Variants in AGBL1 observed in about 807,000 individuals in gnomAD.
AGBL1 encodes the protein cytosolic carboxypeptidase 4.
A neutral mutation model predicts 118.9 loss-of-function variants in AGBL1; 130 were observed. That is an observed-to-expected ratio of 1.09 (90% CI 0.95 to 1.26). The LOEUF is 1.26. Ranked by LOEUF, AGBL1 falls within the 50% of genes most tolerant of loss-of-function variation. The probability of loss-of-function intolerance (pLI) is 0.00; values close to 1 mark genes in which losing one functional copy is unlikely to be tolerated. For missense variants in AGBL1, 1,584 were observed against 1,298.1 expected, an observed-to-expected ratio of 1.22 and a Z score of -3.38; for synonymous variants, 555 against 478.9, an observed-to-expected ratio of 1.16 and a Z score of -2.08.
intron 21 of AGBL1, among the ~76,000 whole-genome samples, chr15:86,580,597 A>T (rs935370471): frequency 4.6e-5 from 7 of 152,128 alleles, no homozygotes; most frequent in Non-Finnish European, 1.0e-4. Flanking sequence ...ATAATTGTAC[A>T]TATTTAACTG....
chr15:86,652,703 T>A (rs2142498335), intron 21 of AGBL1, among the ~76,000 whole-genome samples: 1 of 152,274 alleles, frequency 6.6e-6, no homozygotes, highest in East Asian at 1.9e-4. Flanking sequence ...ATGAAAAGTA[T>A]TGTGTTTGAA....
intron 21 of AGBL1, among the ~76,000 whole-genome samples, chr15:86,625,972 T>C (rs371656389): frequency 5.9e-5 from 9 of 152,144 alleles, no homozygotes; most frequent in East Asian, 5.8e-4. Context: ...AAAGTTTCAA[T>C]TGAGTCATAA....
In AGBL1 at chr15:86,909,689, A is replaced by G. The variant is rs572734073; in HGVS notation, c.*2395A>G. ...CCATATTTAATCTTTCCACTCTTAA[A>G]TAAAGGCTAGCATAATGGTGCTGAT... On this transcript the variant is annotated 3_prime_UTR_variant, in exon 23 of 23. Transcript: ENST00000614907. 6.6e-6 allele frequency: 1 copy of G among 152,362 alleles called. No homozygotes were observed. Among genetic ancestry groups the G allele is most frequent in the East Asian group, 1.9e-4 (1 of 5,186 alleles). The allele number at this position is 152,362 out of a possible 1,614,324, so 9.4% of individuals were successfully genotyped here. A position where few individuals can be genotyped will look rare whatever the true frequency, so the allele number is the denominator to read the frequency against.
chr15:86,955,696 G>GA (rs1290729270), intron 23 of AGBL1, among the ~76,000 whole-genome samples: 1 of 152,040 alleles, frequency 6.6e-6, no homozygotes, highest in Non-Finnish European at 1.5e-5. Flanking sequence ...ATACATGATT[G>GA]AATGCATATG....
chr15:86,714,438 C>T (rs540312712), intron 22 of AGBL1, among the ~76,000 whole-genome samples: 6 of 152,238 alleles, frequency 3.9e-5, no homozygotes, highest in African/African-American at 1.4e-4. Flanking sequence ...GGAATTGAAG[C>T]AGTTTAAACT....
intron 19 of AGBL1, among the ~76,000 whole-genome samples, chr15:86,526,813 G>A (rs1427926466): frequency 6.6e-6 from 1 of 151,866 alleles, no homozygotes; most frequent in African/African-American, 2.4e-5. Flanking sequence ...GGTATGCAAA[G>A]GCATACAGAC....
At chr15:86,368,441 T>C (rs2080924058) in intron 17 of AGBL1, among the ~76,000 whole-genome samples, 1 of 152,200 alleles carries the variant, frequency 6.6e-6, no homozygotes, top group Non-Finnish European at 1.5e-5. Context: ...AAAAATTTTA[T>C]ATGAAGATTT....
chr15:86,804,446 G>T, intron 22 of AGBL1, among the ~76,000 whole-genome samples: 1 of 152,088 alleles, frequency 6.6e-6, no homozygotes, highest in East Asian at 1.9e-4. Context: ...CTGGTTCTCT[G>T]TTTCAAGCCA....
chr15:86,292,633 T>A (rs2079565672), intron 16 of AGBL1, among the ~76,000 whole-genome samples: 1 of 152,144 alleles, frequency 6.6e-6, no homozygotes, highest in East Asian at 1.9e-4. Context: ...GGATATTTAT[T>A]GAGACCTTAA....
chr15:86,664,618 C>T (rs1218716927), intron 21 of AGBL1, among the ~76,000 whole-genome samples: 1 of 151,980 alleles, frequency 6.6e-6, no homozygotes, highest in African/African-American at 2.4e-5. Context: ...ACCTCCCCTG[C>T]CAAGTAGACA....
chr15:86,602,608 G>C (rs1180449657), intron 21 of AGBL1, among the ~76,000 whole-genome samples: 2 of 152,146 alleles, frequency 1.3e-5, no homozygotes, highest in African/African-American at 4.8e-5. Flanking sequence ...TACCCAGCTA[G>C]TGAGGAATAC....
At chr15:86,830,588 A>G (rs569006305) in intron 22 of AGBL1, among the ~76,000 whole-genome samples, 9 of 152,140 alleles carry the variant, frequency 5.9e-5, no homozygotes, top group Non-Finnish European at 1.3e-4. Flanking sequence ...TCAACAGCAT[A>G]AGTTCTCCCT....
intron 23 of AGBL1, among the ~76,000 whole-genome samples, chr15:86,958,408 C>T (rs1406067528): frequency 6.6e-6 from 1 of 151,756 alleles, no homozygotes; most frequent in East Asian, 1.9e-4. Context: ...TTAATTAAAA[C>T]CATTTGATTT....
At chr15:86,345,953 C>T (rs1264195570) in intron 17 of AGBL1, among the ~76,000 whole-genome samples, 2 of 151,620 alleles carry the variant, frequency 1.3e-5, no homozygotes, top group African/African-American at 2.4e-5. Context: ...CATCAATTCT[C>T]TCTTTTCTTT....
At chr15:86,918,589 T>G (rs938864548), downstream of AGBL1, among the ~76,000 whole-genome samples, 1 of 152,170 alleles carries the variant, frequency 6.6e-6, no homozygotes, top group Non-Finnish European at 1.5e-5. Context: ...AGTCTTATTT[T>G]CAGACTTAGT....
intron 22 of AGBL1, among the ~76,000 whole-genome samples, chr15:86,773,076 C>T (rs970082541): frequency 7.2e-5 from 11 of 151,996 alleles, no homozygotes; most frequent in Non-Finnish European, 1.6e-4. Flanking sequence ...CACTTATGGG[C>T]CTTGATTCTT....
chr15:86,380,140 C>A (rs1050637431), intron 17 of AGBL1, among the ~76,000 whole-genome samples: 9 of 152,032 alleles, frequency 5.9e-5, no homozygotes, highest in African/African-American at 2.2e-4. Context: ...GAAAAACTGA[C>A]GACCAAAAAA....
intron 18 of AGBL1, among the ~76,000 whole-genome samples, chr15:86,489,873 G>C (rs920836897): frequency 8.5e-5 from 13 of 152,086 alleles, no homozygotes; most frequent in African/African-American, 3.1e-4. Context: ...GCCTGCCTTT[G>C]AAACTCTTCT....
chr15:86,712,522 T>C (rs74901524), intron 22 of AGBL1, among the ~76,000 whole-genome samples: 2,090 of 152,272 alleles, frequency 0.014, 38 homozygotes, highest in East Asian at 0.089. Context: ...GTAGAAATAA[T>C]GCCCAGGCTA....
Sources: allele counts gnomAD v4.1 joint callset (sites outside exome capture counted in the v4.1 genomes callset), GRCh38; gene constraint gnomAD v4.1.1; transcripts MANE v1.5; gene names NCBI Gene and HGNC (gene_info 2026-07-23, HGNC 2026-07-21).